SYNDIG1: variants seen among roughly 807,000 people sequenced by gnomAD.
SYNDIG1 encodes the protein synapse differentiation-inducing gene protein 1.
In SYNDIG1, 9 loss-of-function variants were observed where a neutral mutation model predicts 19.4. That is an observed-to-expected ratio of 0.46 (90% CI 0.28 to 0.81). The LOEUF (loss-of-function observed/expected upper bound fraction) is 0.81, where lower values mean the gene tolerates loss of function less well. Ranked by LOEUF, SYNDIG1 falls within the 30% of genes least tolerant of loss-of-function variation. The probability of loss-of-function intolerance (pLI) is 0.12; values close to 1 mark genes in which losing one functional copy is unlikely to be tolerated. For synonymous variants in SYNDIG1, 141 were observed against 145.9 expected (o/e 0.97, Z 0.24); for missense variants, 311 against 343.3 (o/e 0.91, Z 0.74).
At chr20:24,540,847 G>T (rs1477707837) in intron 1 of SYNDIG1, among the ~76,000 whole-genome samples, 1 of 152,128 alleles carries the variant, frequency 6.6e-6, no homozygotes, top group Non-Finnish European at 1.5e-5. Flanking sequence ...AGGCATATGG[G>T]TCTGTAATGT....
chr20:24,665,323 C>T, intron 3 of SYNDIG1, 23 bp from the exon 4 acceptor site: 5 of 1,582,262 alleles, frequency 3.2e-6, no homozygotes, highest in Non-Finnish European at 3.4e-6. Flanking sequence ...CAATGACTTC[C>T]TTTTTCTTCT....
chr20:24,531,476 G>A (rs930648711), intron 1 of SYNDIG1, among the ~76,000 whole-genome samples: 2 of 152,328 alleles, frequency 1.3e-5, no homozygotes, highest in South Asian at 4.1e-4. Flanking sequence ...ACTAGTAAGA[G>A]AAAGTTCTGA....
At chr20:24,557,994 G>A (rs570996712) in intron 2 of SYNDIG1, among the ~76,000 whole-genome samples, 12 of 152,178 alleles carry the variant, frequency 7.9e-5, no homozygotes, top group East Asian at 1.9e-4. Context: ...TCTCAAATCC[G>A]TCTCCCTGCA....
intron 3 of SYNDIG1, among the ~76,000 whole-genome samples, chr20:24,612,337 C>G (rs2058861964): frequency 6.6e-6 from 1 of 152,174 alleles, no homozygotes; most frequent in African/African-American, 2.4e-5. Flanking sequence ...GGTACCAGGA[C>G]AGACATCAGG....
chr20:24,599,594 A>G (rs560616518), intron 3 of SYNDIG1, among the ~76,000 whole-genome samples: 1 of 152,388 alleles, frequency 6.6e-6, no homozygotes, highest in African/African-American at 2.4e-5. Flanking sequence ...AGTGCCAATC[A>G]GTGGACAAAT....
chr20:24,652,120 A>C (rs1330848468), intron 3 of SYNDIG1, among the ~76,000 whole-genome samples: 1 of 152,202 alleles, frequency 6.6e-6, no homozygotes, highest in Non-Finnish European at 1.5e-5. Context: ...TAATTAGAAG[A>C]GTCACTGCTC....
intron 1 of SYNDIG1, among the ~76,000 whole-genome samples, chr20:24,516,427 T>C (rs1383779756): frequency 2.0e-5 from 3 of 152,186 alleles, no homozygotes; most frequent in African/African-American, 7.2e-5. Flanking sequence ...TTTTGCAATC[T>C]ACTCATCTGA....
intron 1 of SYNDIG1, among the ~76,000 whole-genome samples, chr20:24,490,528 C>T (rs571820128): frequency 4.6e-5 from 7 of 152,254 alleles, no homozygotes; most frequent in African/African-American, 1.7e-4. Context: ...GACCCTGGCT[C>T]GCCCCTAGCC....
intron 1 of SYNDIG1, among the ~76,000 whole-genome samples, chr20:24,531,388 G>T (rs1406803336): frequency 6.6e-6 from 1 of 152,180 alleles, no homozygotes; most frequent in Non-Finnish European, 1.5e-5. Flanking sequence ...AAAGGGAGAT[G>T]AGTGGGTGGT....
intron 1 of SYNDIG1, among the ~76,000 whole-genome samples, chr20:24,511,895 G>A (rs963300425): frequency 6.6e-6 from 1 of 151,574 alleles, no homozygotes; most frequent in African/African-American, 2.4e-5. Context: ...AGTGTCAGGG[G>A]GCATGTACTC....
In SYNDIG1 at chr20:24,665,608, A is replaced by G; in HGVS notation, c.*104A>G. 7.4e-6 allele frequency: 11 copies of G among 1,486,944 alleles called. No individual in the cohort carries two copies. The highest frequency in any genetic ancestry group is 2.4e-5 in the East Asian group (1 of 41,442). The allele number at this position is 1,486,944 out of a possible 1,614,324, so 92.1% of individuals were successfully genotyped here. A position where few individuals can be genotyped will look rare whatever the true frequency, so the allele number is the denominator to read the frequency against. On this transcript the variant is annotated 3_prime_UTR_variant, in exon 4 of 4. Transcript: ENST00000376862. ...GTACAGTACAAATGATTGCCAAATGATGCCACGAAGCCCTGGGATTTCCTA... is the reference window on the plus strand; with the variant it reads ...GTACAGTACAAATGATTGCCAAATGGTGCCACGAAGCCCTGGGATTTCCTA...
chr20:24,494,600 G>T (rs1355818816), intron 1 of SYNDIG1, among the ~76,000 whole-genome samples: 1 of 152,204 alleles, frequency 6.6e-6, no homozygotes. Context: ...GGAACAGGAT[G>T]CAGGGAACAG....
chr20:24,571,754 A>AT (rs1420156421), intron 2 of SYNDIG1, among the ~76,000 whole-genome samples: 1 of 152,250 alleles, frequency 6.6e-6, no homozygotes, highest in East Asian at 1.9e-4. Flanking sequence ...CTTGATAAAT[A>AT]ACCAGAGGTT....
chr20:24,540,263 C>A (rs1411862224), intron 1 of SYNDIG1, among the ~76,000 whole-genome samples: 3 of 152,160 alleles, frequency 2.0e-5, no homozygotes, highest in Non-Finnish European at 2.9e-5. Flanking sequence ...TTGTATCCTG[C>A]TACTTTGCTA....
intron 3 of SYNDIG1, among the ~76,000 whole-genome samples, chr20:24,600,583 C>T (rs533969633): frequency 6.6e-6 from 1 of 151,100 alleles, no homozygotes; most frequent in African/African-American, 2.4e-5. Flanking sequence ...GTTCCTTAAC[C>T]TTCATGTCTT....
intron 3 of SYNDIG1, among the ~76,000 whole-genome samples, chr20:24,599,614 AAATGTGGTATAGATACAC>A (rs1366298578): frequency 6.6e-6 from 1 of 152,250 alleles, no homozygotes. Flanking sequence ...TGGATAAAGA[AAATGTGGTATAGATACAC>A]AATGGAATAC....
chr20:24,622,448 T>G (rs1354720673), intron 3 of SYNDIG1, among the ~76,000 whole-genome samples: 8 of 152,178 alleles, frequency 5.3e-5, no homozygotes, highest in Non-Finnish European at 1.2e-4. Flanking sequence ...CCATGGCCTG[T>G]TAGAAACTGG....
At chr20:24,570,279 A>G (rs2058120369) in intron 2 of SYNDIG1, among the ~76,000 whole-genome samples, 1 of 152,244 alleles carries the variant, frequency 6.6e-6, no homozygotes, top group East Asian at 1.9e-4. Flanking sequence ...AAAACAATCT[A>G]TAAAAGAAAG....
chr20:24,532,781 C>T (rs1486425264), intron 1 of SYNDIG1, among the ~76,000 whole-genome samples: 2 of 152,236 alleles, frequency 1.3e-5, no homozygotes, highest in Non-Finnish European at 2.9e-5. Flanking sequence ...GGGTCTTCTG[C>T]TCCATGAGGA....
Sources: gnomAD v4.1 joint callset for allele counts (sites outside exome capture counted in the v4.1 genomes callset) on GRCh38, gnomAD v4.1.1 for gene constraint, MANE v1.5 for transcripts, NCBI Gene and HGNC (gene_info 2026-07-23, HGNC 2026-07-21) for gene names.